The following ZNF600 variants were observed in gnomAD, a reference collection of about 807,000 sequenced individuals.
ZNF600 encodes the protein zinc finger protein 600, also known as zinc finger protein KR-ZNF1.
ZNF600 carries 4 observed loss-of-function variants against 7.3 expected under a neutral mutation model. The ratio of observed to expected loss-of-function variants is 0.55; its 90% CI spans 0.27 to 1.25. The LOEUF (loss-of-function observed/expected upper bound fraction) is 1.25, where lower values mean the gene tolerates loss of function less well. ZNF600 is among the 50% of genes most tolerant of loss of function. The probability of loss-of-function intolerance (pLI) is 0.12; values close to 1 mark genes in which losing one functional copy is unlikely to be tolerated. For synonymous variants in ZNF600, 290 were observed against 308.9 expected, an observed-to-expected ratio of 0.94 and a Z score of 0.64; for missense variants, 911 against 922.1, an observed-to-expected ratio of 0.99 and a Z score of 0.16.
At chr19:52,818,866 A>C in the ZNF600 span, among the ~76,000 whole-genome samples, 7 of 134,220 alleles carry the variant, frequency 5.2e-5, 1 homozygote, top group Admixed American at 1.5e-4. Context: ...CCTGGAGGAC[A>C]GAATGAGAGT....
chr19:52,828,939 C>T, the ZNF600 span, among the ~76,000 whole-genome samples: 78 of 152,288 alleles, frequency 5.1e-4, no homozygotes, highest in Middle Eastern at 3.4e-3. Context: ...CGGCTGAATG[C>T]AAGCTCTGCC....
At chr19:52,803,015 C>G in the ZNF600 span, among the ~76,000 whole-genome samples, 1 of 152,024 alleles carries the variant, frequency 6.6e-6, no homozygotes, top group African/African-American at 2.4e-5. Flanking sequence ...CTTGCCTCAG[C>G]CTCCCAAAGT....
chr19:52,822,801 G>A, the ZNF600 span, among the ~76,000 whole-genome samples: 1 of 152,146 alleles, frequency 6.6e-6, no homozygotes, highest in African/African-American at 2.4e-5. Flanking sequence ...GGCAGGTGCC[G>A]TCTCTAGTGA....
At chr19:52,779,209 G>C (rs1478712213) in intron 1 of ZNF600, among the ~76,000 whole-genome samples, 1 of 152,134 alleles carries the variant, frequency 6.6e-6, no homozygotes, top group African/African-American at 2.4e-5. Flanking sequence ...CCATCCAGAG[G>C]ACAGCCCCTC....
chr19:52,801,519 T>C, the ZNF600 span: 6 of 1,614,210 alleles, frequency 3.7e-6, 1 homozygote, highest in Non-Finnish European at 5.1e-6. Context: ...GGGTGCTGCA[T>C]GGTCATTTGT....
exon 4 of ZNF600, chr19:52,765,569 T>C: frequency 6.2e-7 from 1 of 1,613,492 alleles, no homozygotes; most frequent in Non-Finnish European, 8.5e-7. Context: ...TACTGAAGAC[T>C]TTGTGACAAT....
chr19:52,813,249 G>GAAAAAAAAAAAAAAAAAA, the ZNF600 span, among the ~76,000 whole-genome samples: 13 of 62,988 alleles, frequency 2.1e-4, no homozygotes, highest in African/African-American at 4.9e-4. Context: ...CTTGAATGGT[G>GAAAAAAAAAAAAAAAAAA]AAAAAAAAAA....
the ZNF600 span, among the ~76,000 whole-genome samples, chr19:52,827,898 G>A: frequency 8.1e-3 from 1,239 of 152,162 alleles, 14 homozygotes; most frequent in African/African-American, 0.028. Flanking sequence ...GCATGGGTGA[G>A]TGCGAGCAAA....
chr19:52,788,198 G>A (rs1265750200), upstream of ZNF600, among the ~76,000 whole-genome samples: 1 of 152,184 alleles, frequency 6.6e-6, no homozygotes, highest in Non-Finnish European at 1.5e-5. Flanking sequence ...AGATGACAAG[G>A]ACTGAGAAAA....
the ZNF600 span, among the ~76,000 whole-genome samples, chr19:52,815,578 A>G: frequency 6.8e-6 from 1 of 146,708 alleles, no homozygotes; most frequent in African/African-American, 2.6e-5. Context: ...TAATCCCAGC[A>G]CTTTGGGAGG....
chr19:52,782,770 G>C (rs1279301447), intron 1 of ZNF600, among the ~76,000 whole-genome samples: 2 of 152,082 alleles, frequency 1.3e-5, no homozygotes, highest in Admixed American at 1.3e-4. Flanking sequence ...CAGCTGCTCG[G>C]GAGGCTGAGA....
the ZNF600 span, among the ~76,000 whole-genome samples, chr19:52,814,997 G>A: frequency 2.2e-4 from 32 of 145,680 alleles, 6 homozygotes; most frequent in African/African-American, 8.3e-4. Context: ...GAAATTAGAT[G>A]TTAATAACAA....
the ZNF600 span, among the ~76,000 whole-genome samples, chr19:52,791,914 G>A: frequency 2.0e-5 from 3 of 152,174 alleles, no homozygotes; most frequent in African/African-American, 7.2e-5. Flanking sequence ...ATCACAGGCT[G>A]AGCTCAGCCC....
the ZNF600 span, among the ~76,000 whole-genome samples, chr19:52,823,934 G>A: frequency 1.3e-5 from 2 of 151,932 alleles, no homozygotes; most frequent in South Asian, 4.2e-4. Flanking sequence ...CTGTTGGCAT[G>A]TGCCTCTATT....
At chr19:52,793,764 CCACACA>C in the ZNF600 span, among the ~76,000 whole-genome samples, 18,088 of 138,176 alleles carry the variant, frequency 0.13, 1,198 homozygotes, top group African/African-American at 0.16. Flanking sequence ...CCAAACTCTG[CCACACA>C]CACACACACA....
upstream of ZNF600, among the ~76,000 whole-genome samples, chr19:52,786,983 C>A (rs1481340003): frequency 6.6e-6 from 1 of 152,230 alleles, no homozygotes; most frequent in Non-Finnish European, 1.5e-5. Flanking sequence ...AGGCATGATT[C>A]AAAAGCCCTG....
At chr19:52,795,387 T>C in the ZNF600 span, among the ~76,000 whole-genome samples, 4 of 151,940 alleles carry the variant, frequency 2.6e-5, no homozygotes, top group Admixed American at 1.3e-4. Context: ...AAGCATGCAG[T>C]CCTCAATGTA....
At chr19:52,783,664 C>T (rs2062741854) in intron 1 of ZNF600, among the ~76,000 whole-genome samples, 3 of 151,934 alleles carry the variant, frequency 2.0e-5, no homozygotes, top group African/African-American at 7.2e-5. Flanking sequence ...CCTGGCCTCC[C>T]TTCGGCATTC....
chr19:52,805,240 A>T, the ZNF600 span: 1 of 150,732 alleles, frequency 6.6e-6, no homozygotes, highest in Non-Finnish European at 1.5e-5. Flanking sequence ...ACTGCACTTT[A>T]GCCTGGGTGA....
Sources: allele counts gnomAD v4.1 joint callset (sites outside exome capture counted in the v4.1 genomes callset), GRCh38; gene constraint gnomAD v4.1.1; transcripts MANE v1.5; gene names NCBI Gene and HGNC (gene_info 2026-07-23, HGNC 2026-07-21).